The following LPP variants were observed in gnomAD, a reference collection of about 807,000 sequenced individuals.
LPP encodes the protein LIM domain containing preferred translocation partner in lipoma.
LPP carries 38 observed loss-of-function variants against 60.4 expected under a neutral mutation model. The observed-to-expected ratio is 0.63, with a 90% CI of 0.49 to 0.83. The LOEUF is 0.83. LPP is among the 40% of genes least tolerant of loss of function. LPP has a pLI of 0.00. For missense variants in LPP, 902 were observed against 783.6 expected (o/e 1.15, Z -1.80); for synonymous variants, 328 against 290.8 (o/e 1.13, Z -1.30).
chr3:188,514,244 T>A (rs1351761477), intron 5 of LPP, among the ~76,000 whole-genome samples: 4 of 151,828 alleles, frequency 2.6e-5, no homozygotes, highest in Non-Finnish European at 4.4e-5. Flanking sequence ...TTTTTCCCTC[T>A]CTCCCTTCCT....
chr3:188,173,550 G>T (rs1484263594), intron 1 of LPP, among the ~76,000 whole-genome samples: 1 of 151,752 alleles, frequency 6.6e-6, no homozygotes, highest in African/African-American at 2.4e-5. Context: ...AACCTGGGCA[G>T]CAGAGTGACT....
intron 3 of LPP, among the ~76,000 whole-genome samples, chr3:188,365,379 C>T (rs1378220616): frequency 5.9e-5 from 9 of 152,188 alleles, no homozygotes; most frequent in South Asian, 2.1e-4. Context: ...TGTGTTTCCA[C>T]GCTGTGTCTG....
At chr3:188,161,716 T>C (rs1718338825) in intron 1 of LPP, among the ~76,000 whole-genome samples, 1 of 152,204 alleles carries the variant, frequency 6.6e-6, no homozygotes, top group Admixed American at 6.5e-5. Context: ...ACCTCACACC[T>C]TCCTTCCCCA....
rs533507694 is a variant in LPP, at chr3:188,636,209, C to T, written c.1113+26365C>T. 1.5e-3 allele frequency among the ~76,000 whole-genome samples: 223 copies of T among 152,286 alleles called. 1 individual carries two copies. Among genetic ancestry groups the T allele is most frequent in the African/African-American group, 5.1e-3 (211 of 41,556 alleles). On this transcript the variant is annotated intron_variant, in intron 7 of 11. Transcript: ENST00000617246. ...GGTCAGTGGGTGCGCGCACCGTGTG[C>T]GAGCCGAAGCAGGGCGAGGCATTGC...
chr3:188,520,120 A>C (rs1174635636), intron 5 of LPP, among the ~76,000 whole-genome samples: 1 of 152,240 alleles, frequency 6.6e-6, no homozygotes, highest in Non-Finnish European at 1.5e-5. Flanking sequence ...TTGTCAAGTC[A>C]TAATAAGTCC....
chr3:188,664,240 C>G (rs1855259608), intron 7 of LPP, among the ~76,000 whole-genome samples: 1 of 152,122 alleles, frequency 6.6e-6, no homozygotes, highest in South Asian at 2.1e-4. Context: ...TTAGTCTTTT[C>G]CTTCATATTA....
chr3:188,885,536 C>G lies in LPP; in HGVS notation c.*11057C>G, dbSNP rs1009458061. ...GCCACCTTTTCTTAATCCAGTCTAT[C>G]ATTGTTGGACATTTGGGTTGGTTCC... On this transcript the variant is annotated 3_prime_UTR_variant, in exon 12 of 12. Coordinates refer to ENST00000617246, the MANE Select transcript of LPP (RefSeq NM_001375462.1). 5.7e-5 allele frequency: 10 copies of G among 176,642 alleles called. No homozygotes were observed. In the East Asian group the frequency reaches 6.7e-4, roughly 12 times the overall value. The allele number at this position is 176,642 out of a possible 1,614,324, so 10.9% of individuals were successfully genotyped here.
Position 188,855,179 on chromosome 3 carries a change from A to G in LPP, c.1411-11021A>G, listed in dbSNP as rs548910459. Among the ~76,000 whole-genome samples, 8 of 152,290 alleles carry G rather than the reference A, an allele frequency of 5.3e-5. No individual in the cohort carries two copies. The South Asian group carries it at 1.7e-3, about 32-fold the overall frequency. On this transcript the variant is annotated intron_variant, in intron 9 of 11. Transcript: ENST00000617246. Reference sequence around the variant, plus strand: ...TATTCCTGGAGAAATATGTAGCACTATTTTTTCTTTAAAAGATATATTCTT... The same window carrying G: ...TATTCCTGGAGAAATATGTAGCACTGTTTTTTCTTTAAAAGATATATTCTT...
chr3:188,183,439 A>T (rs565408342), intron 1 of LPP, among the ~76,000 whole-genome samples: 4 of 152,106 alleles, frequency 2.6e-5, no homozygotes, highest in Admixed American at 6.5e-5. Flanking sequence ...CTTTGTTCTG[A>T]TTCTTTTTTC....
At chr3:188,411,513 A>AT (rs1007809265) in intron 4 of LPP, among the ~76,000 whole-genome samples, 3 of 152,144 alleles carry the variant, frequency 2.0e-5, no homozygotes, top group African/African-American at 4.8e-5. Flanking sequence ...TAACTATTTC[A>AT]TTTTTTGTGA....
chr3:188,259,513 G>A (rs746714735), intron 2 of LPP, among the ~76,000 whole-genome samples: 2 of 152,170 alleles, frequency 1.3e-5, no homozygotes, highest in Non-Finnish European at 2.9e-5. Context: ...ACTGCATTGA[G>A]CAGGAACACT....
chr3:188,691,113 A>G (rs1006397023), intron 7 of LPP, among the ~76,000 whole-genome samples: 31 of 152,220 alleles, frequency 2.0e-4, no homozygotes, highest in Non-Finnish European at 3.2e-4. Context: ...AGTGCTGACT[A>G]ATGCAGTATC....
chr3:188,690,701 ATTC>A lies in LPP; in HGVS notation c.1114-17554_1114-17552del, dbSNP rs530879902. 7.9e-5 allele frequency among the ~76,000 whole-genome samples: 12 copies of A among 152,230 alleles called. No homozygotes were observed. In the East Asian group the frequency reaches 1.2e-3, roughly 15 times the overall value. ...TAGTCAAAGTGTTCTCTCTTTCCAC[ATTC>A]TTCTTCTTCTTTTAGGGGTAGTTTG... On this transcript the variant is annotated intron_variant, in intron 7 of 11. Coordinates refer to ENST00000617246, the MANE Select transcript of LPP (RefSeq NM_001375462.1).
intron 1 of LPP, among the ~76,000 whole-genome samples, chr3:188,207,429 A>C (rs1209616942): frequency 1.3e-5 from 2 of 151,350 alleles, no homozygotes; most frequent in Non-Finnish European, 2.9e-5. Context: ...ATGGGGTTTC[A>C]CCAGGTTGGC....
intron 9 of LPP, among the ~76,000 whole-genome samples, chr3:188,782,661 T>C (rs1283055018): frequency 6.6e-6 from 1 of 151,924 alleles, no homozygotes; most frequent in East Asian, 1.9e-4. Flanking sequence ...TCTCCTGTTA[T>C]ACCCTCCTAG....
At chr3:188,230,243 G>A (rs556470007) in intron 2 of LPP, among the ~76,000 whole-genome samples, 30 of 152,054 alleles carry the variant, frequency 2.0e-4, no homozygotes, top group Admixed American at 1.2e-3. Context: ...GTGCCGCCAC[G>A]CCCAGCTAAT....
chr3:188,604,056 T>C (rs1290238578), intron 6 of LPP, among the ~76,000 whole-genome samples: 4 of 152,172 alleles, frequency 2.6e-5, no homozygotes, highest in Middle Eastern at 3.2e-3. Context: ...TATTTTCTCC[T>C]TCTGTTACAT....
At chr3:188,672,627 G>A (rs1857168444) in intron 7 of LPP, among the ~76,000 whole-genome samples, 1 of 152,132 alleles carries the variant, frequency 6.6e-6, no homozygotes, top group Non-Finnish European at 1.5e-5. Context: ...TTAACCCTGG[G>A]CAGAGGCTGC....
intron 3 of LPP, among the ~76,000 whole-genome samples, chr3:188,390,614 C>A (rs982805270): frequency 6.6e-6 from 1 of 151,094 alleles, no homozygotes; most frequent in Non-Finnish European, 1.5e-5. Context: ...CTTACTAGAT[C>A]TCTCTTGCTG....
Sources: allele counts gnomAD v4.1 joint callset (sites outside exome capture counted in the v4.1 genomes callset), GRCh38; gene constraint gnomAD v4.1.1; transcripts MANE v1.5; gene names NCBI Gene and HGNC (gene_info 2026-07-23, HGNC 2026-07-21).